The following PTPN21 variants were observed in gnomAD, a reference collection of about 807,000 sequenced individuals.
The protein encoded by PTPN21 is tyrosine-protein phosphatase non-receptor type 21.
In PTPN21, 77 loss-of-function variants were observed where a neutral mutation model predicts 131.8. That is an observed-to-expected ratio of 0.58 (90% CI 0.49 to 0.71). The LOEUF (loss-of-function observed/expected upper bound fraction) is 0.71, where lower values mean the gene tolerates loss of function less well. Among genes scored for constraint, PTPN21 ranks in the 30% least tolerant of loss-of-function variants. PTPN21 has a pLI of 0.00. For synonymous variants in PTPN21, 715 were observed against 621.3 expected (o/e 1.15, Z -2.24); for missense variants, 1,552 against 1,527.1 (o/e 1.02, Z -0.27).
Position 88,550,589 on chromosome 14 carries a change from T to C in PTPN21, c.-172A>G. 2 of 631,242 alleles carry C rather than the reference T, an allele frequency of 3.2e-6. No homozygotes were observed. Among genetic ancestry groups the C allele is most frequent in the South Asian group, 4.3e-5 (2 of 46,904 alleles). 39.1% of individuals were successfully genotyped at this position (631,242 alleles called of 1,614,324 possible). A position where few individuals can be genotyped will look rare whatever the true frequency, so the allele number is the denominator to read the frequency against. On this transcript the variant is annotated 5_prime_UTR_variant, in exon 2 of 19. Coordinates refer to ENST00000556564, the MANE Select transcript of PTPN21 (RefSeq NM_007039.4). The stretch of plus-strand genomic sequence containing the variant: ...CATTAAAAAGCAACGGAGTCTCCAA[T>C]GGCCCGAGGAAGGGAGCATTGACGC...
intron 2 of PTPN21, among the ~76,000 whole-genome samples, chr14:88,541,171 T>G (rs1342935438): frequency 6.6e-6 from 1 of 152,212 alleles, no homozygotes; most frequent in Non-Finnish European, 1.5e-5. Context: ...TGATAGGAAG[T>G]TATTTCTACT....
intron 2 of PTPN21, among the ~76,000 whole-genome samples, chr14:88,527,099 T>C (rs2078490779): frequency 1.3e-5 from 2 of 152,212 alleles, no homozygotes; most frequent in African/African-American, 2.4e-5. Flanking sequence ...CAATTGTGAA[T>C]TGTGCTACTA....
chr14:88,467,946 G>T lies in PTPN21; in HGVS notation c.*191C>A. 1 of 756,598 alleles carries T rather than the reference G, an allele frequency of 1.3e-6. No homozygotes were observed. The highest frequency in any genetic ancestry group is 2.2e-6 in the Non-Finnish European group (1 of 456,950). The allele number at this position is 756,598 out of a possible 1,614,324, so 46.9% of individuals were successfully genotyped here. On this transcript the variant is annotated 3_prime_UTR_variant, in exon 19 of 19. Transcript: ENST00000556564. ...AAGTCCTCCTTGAGCACCTTTCCCA[G>T]GTTAGAAACCCCTCTTCAGCCTGTG...
chr14:88,487,553 A>G (rs1219044170), intron 10 of PTPN21, among the ~76,000 whole-genome samples: 1 of 151,894 alleles, frequency 6.6e-6, no homozygotes, highest in Non-Finnish European at 1.5e-5. Context: ...AAAGAAAACT[A>G]GTACATACTA....
At chr14:88,478,393 CAGAATCACTCTGGAGAAT>C (rs1308489655) in intron 13 of PTPN21, among the ~76,000 whole-genome samples, 1 of 152,200 alleles carries the variant, frequency 6.6e-6, no homozygotes, top group Admixed American at 6.5e-5. Context: ...TTCCCAACTC[CAGAATCACTCTGGAGAAT>C]CACGGCCAAG....
At chr14:88,544,816 T>C (rs1465186245) in intron 2 of PTPN21, among the ~76,000 whole-genome samples, 2 of 151,988 alleles carry the variant, frequency 1.3e-5, no homozygotes, top group Non-Finnish European at 1.5e-5. Context: ...TATAAAAATA[T>C]GTACTTTTTC....
At position 88,507,992 on chromosome 14, in the gene PTPN21, C is replaced by T; in HGVS notation, c.379G>A (p.Asp127Asn). 6.2e-7 allele frequency: 1 copy of T among 1,605,132 alleles called. No homozygotes were observed. Among genetic ancestry groups the T allele is most frequent in the Non-Finnish European group, 8.5e-7 (1 of 1,175,188 alleles). The change falls in exon 4 of 19, where the codon GAT (aspartate) becomes AAT (asparagine). Residue 127 changes from aspartate to asparagine, a missense_variant. Around this residue, in one of 4 missense-constraint regions of PTPN21, gnomAD observed 206 missense variants for 221.6 expected, o/e 0.93. Transcript: ENST00000556564. ...CAAGGAATACTTCCTTCCAAGATATCTTTCTTCAGTTGCAGATAATACTGA... is the reference window on the plus strand; with the variant it reads ...CAAGGAATACTTCCTTCCAAGATATTTTTCTTCAGTTGCAGATAATACTGA... Reference protein sequence around the residue: ...RYQYYLQLKKDILEGSIPCTL... With the variant: ...RYQYYLQLKKNILEGSIPCTL...
Position 88,554,724 on chromosome 14 carries a change from G to A in PTPN21, c.-276C>T, listed in dbSNP as rs2078902720. On this transcript the variant is annotated 5_prime_UTR_variant, in exon 1 of 19. Coordinates refer to ENST00000556564, the MANE Select transcript of PTPN21 (RefSeq NM_007039.4). ...GCGACCCGCCTCCCGGGGCCCCGCCGCGCGGCCGCCGCAGCCGCACCCGCA... is the reference window on the plus strand; with the variant it reads ...GCGACCCGCCTCCCGGGGCCCCGCCACGCGGCCGCCGCAGCCGCACCCGCA... 6.7e-6 allele frequency: 1 copy of A among 148,220 alleles called. No individual in the cohort carries two copies. The highest frequency in any genetic ancestry group is 1.5e-5 in the Non-Finnish European group (1 of 66,486). The allele number at this position is 148,220 out of a possible 1,614,324, so 9.2% of individuals were successfully genotyped here.
intron 2 of PTPN21, among the ~76,000 whole-genome samples, chr14:88,533,962 A>C (rs1477741147): frequency 6.6e-6 from 1 of 152,192 alleles, no homozygotes; most frequent in East Asian, 1.9e-4. Flanking sequence ...CATGCATGTT[A>C]CCGCCCCTGA....
rs565210522 is a variant in PTPN21, at chr14:88,525,726, G to T, written c.181-8465C>A. 1.1e-3 allele frequency among the ~76,000 whole-genome samples: 166 copies of T among 152,156 alleles called. 1 individual carries two copies. The highest frequency in any genetic ancestry group is 1.7e-3 in the Non-Finnish European group (119 of 68,004). ...ACATACCCAAAAGAACTGAAAAACA[G>T]GTGCTCAAGAAACACATGTATATGC... On this transcript the variant is annotated intron_variant, in intron 2 of 18. Coordinates refer to ENST00000556564, the MANE Select transcript of PTPN21 (RefSeq NM_007039.4).
At chr14:88,502,886 T>A (rs2078032359) in intron 6 of PTPN21, among the ~76,000 whole-genome samples, 1 of 152,092 alleles carries the variant, frequency 6.6e-6, no homozygotes, top group African/African-American at 2.4e-5. Context: ...AGGAAACTGA[T>A]ATTCTAGGGA....
At chr14:88,546,582 A>G (rs1195974251) in intron 2 of PTPN21, among the ~76,000 whole-genome samples, 1 of 151,812 alleles carries the variant, frequency 6.6e-6, no homozygotes, top group African/African-American at 2.4e-5. Flanking sequence ...TCTCAAAAAA[A>G]AAAAAAAAAA....
Position 88,495,991 on chromosome 14 carries a change from A to G in PTPN21, c.932+422T>C, listed in dbSNP as rs530012909. ...TGGAGGGGAGTATAGATGAAGGACA[A>G]TATTTTATATGTGCAATATCACCGT... On this transcript the variant is annotated intron_variant, in intron 10 of 18. Transcript: ENST00000556564. Among the ~76,000 whole-genome samples the G allele has an allele frequency of 3.7e-4, 56 of 152,324 alleles. No homozygotes were observed. The South Asian group carries it at 0.011, about 29-fold the overall frequency.
At position 88,467,004 on chromosome 14, in the gene PTPN21, T is replaced by C. The variant is rs2077374279; in HGVS notation, c.*1133A>G. The C allele has an allele frequency of 6.6e-6, 1 of 152,096 alleles. No individual in the cohort carries two copies. The allele number at this position is 152,096 out of a possible 1,614,324, so 9.4% of individuals were successfully genotyped here. ...TGGGAAAAGCCCCAAGGAAACGGAG[T>C]AAGTCACTGGCGGTCACAGGACTTG... On this transcript the variant is annotated 3_prime_UTR_variant, in exon 19 of 19. Transcript: ENST00000556564.
intron 10 of PTPN21, among the ~76,000 whole-genome samples, chr14:88,490,123 C>T (rs2077801513): frequency 6.6e-6 from 1 of 152,052 alleles, no homozygotes; most frequent in Non-Finnish European, 1.5e-5. Flanking sequence ...ATTCTCCTGC[C>T]TCAGCCTTCC....
chr14:88,469,445 C>T lies in PTPN21; in HGVS notation c.3235+54G>A. ...ATTTCGGAAACATAAATGTTCCTCT[C>T]TGTTTAACACCTCCAGAGGCAGCTG... On this transcript the variant is annotated intron_variant, in intron 17 of 18. Transcript: ENST00000556564. The surrounding 1 kb of genome is among the most constrained non-coding windows in gnomAD (Gnocchi z 4.3). 7.1e-7 allele frequency: 1 copy of T among 1,405,536 alleles called. No individual in the cohort carries two copies. 87.1% of individuals were successfully genotyped at this position (1,405,536 alleles called of 1,614,324 possible). A position where few individuals can be genotyped will look rare whatever the true frequency, so the allele number is the denominator to read the frequency against.
intron 2 of PTPN21, among the ~76,000 whole-genome samples, chr14:88,542,928 C>A (rs1276279045): frequency 6.6e-6 from 1 of 152,120 alleles, no homozygotes; most frequent in East Asian, 1.9e-4. Context: ...AACGTACATA[C>A]CTAAATGAAT....
chr14:88,542,816 G>A lies in PTPN21; in HGVS notation c.180+7422C>T, dbSNP rs1048761147. On this transcript the variant is annotated intron_variant, in intron 2 of 18. Coordinates refer to ENST00000556564, the MANE Select transcript of PTPN21 (RefSeq NM_007039.4). ...GGGAAAGCTTTCTCTATCTAGGTGA[G>A]AGGCCAACCAACCTAACATTATATT... is the stretch of plus-strand genomic sequence containing the variant. Among the ~76,000 whole-genome samples the A allele has an allele frequency of 3.3e-5, 5 of 152,144 alleles. No individual in the cohort carries two copies. The East Asian group carries it at 9.6e-4, about 29-fold the overall frequency.
At chr14:88,486,529 T>C (rs544280886) in intron 10 of PTPN21, among the ~76,000 whole-genome samples, 1 of 152,044 alleles carries the variant, frequency 6.6e-6, no homozygotes, top group East Asian at 1.9e-4. Context: ...AACTCAAATA[T>C]AAAAAAATTT....
Sources: gnomAD v4.1 joint callset for allele counts (sites outside exome capture counted in the v4.1 genomes callset) on GRCh38, gnomAD v4.1.1 for gene constraint, gnomAD v4.1.1 regional missense constraint, Gnocchi (gnomAD v3.1) non-coding constraint, MANE v1.5 for transcripts, NCBI Gene and HGNC (gene_info 2026-07-23, HGNC 2026-07-21) for gene names.